Variants in PIK3CA observed in about 807,000 individuals in gnomAD.
PIK3CA encodes phosphatidylinositol-4,5-bisphosphate 3-kinase catalytic subunit alpha.
Under a neutral mutation model 138.2 loss-of-function variants are expected in PIK3CA, and 27 were observed. The observed-to-expected ratio is 0.20, with a 90% CI of 0.14 to 0.27. PIK3CA has a LOEUF of 0.27. Among genes scored for constraint, PIK3CA ranks in the 10% least tolerant of loss-of-function variants. PIK3CA has a pLI of 1.00. For missense variants in PIK3CA, 544 were observed against 1,277.4 expected (o/e 0.43, Z 8.75); for synonymous variants, 358 against 413.2 (o/e 0.87, Z 1.62).
chr3:179,192,062 A>G (rs764602351), intron 1 of PIK3CA, among the ~76,000 whole-genome samples: 3 of 152,254 alleles, frequency 2.0e-5, no homozygotes, highest in Non-Finnish European at 1.5e-5. Flanking sequence ...CTGTATTTAT[A>G]GAGACTGGTA....
chr3:179,230,981 C>G lies in PIK3CA; in HGVS notation c.2936+605C>G, dbSNP rs1054096387. 6.6e-6 allele frequency among the ~76,000 whole-genome samples: 1 copy of G among 152,012 alleles called. No homozygotes were observed. Among genetic ancestry groups the G allele is most frequent in the Admixed American group, 6.6e-5 (1 of 15,256 alleles). On this transcript the variant is annotated intron_variant, in intron 20 of 20. Coordinates refer to ENST00000263967, the MANE Select transcript of PIK3CA (RefSeq NM_006218.4). This position sits in a 1 kb window ranked among gnomAD's most constrained non-coding sequence, Gnocchi z 5.4. ...TTTTATCCCTCACTGTTCTTCCCAC[C>G]GTCTCCCATCTGAGTCTCTGTAGTC...
At chr3:179,189,977 A>G (rs941480509) in intron 1 of PIK3CA, among the ~76,000 whole-genome samples, 12 of 152,176 alleles carry the variant, frequency 7.9e-5, no homozygotes, top group Non-Finnish European at 1.5e-4. Context: ...CACTCCAGAA[A>G]CAGCTCAGTG....
intron 1 of PIK3CA, among the ~76,000 whole-genome samples, chr3:179,154,517 T>C (rs1723086033): frequency 6.6e-6 from 1 of 152,202 alleles, no homozygotes; most frequent in Non-Finnish European, 1.5e-5. Flanking sequence ...AACTGCTCCC[T>C]GGTGCCAAAA....
intron 8 of PIK3CA, 22 bp downstream of exon 8, chr3:179,210,360 A>G: frequency 1.3e-6 from 2 of 1,584,616 alleles, no homozygotes; most frequent in South Asian, 1.2e-5. Flanking sequence ...ATTGTCATAA[A>G]TTAGATATTT....
intron 6 of PIK3CA, among the ~76,000 whole-genome samples, chr3:179,206,664 C>T (rs1724569328): frequency 6.6e-6 from 1 of 152,038 alleles, no homozygotes; most frequent in African/African-American, 2.4e-5. Flanking sequence ...CCTATAATCC[C>T]AACACTTTGG....
rs371532567 is a variant in PIK3CA at position 179,187,801 on chromosome 3, C to A, written c.-76-10949C>A. Among the ~76,000 whole-genome samples the A allele has an allele frequency of 2.7e-4, 41 of 151,522 alleles. 1 individual carries two copies. In the South Asian group the frequency reaches 8.6e-3, roughly 32 times the overall value. On this transcript the variant is annotated intron_variant, in intron 1 of 20. Coordinates refer to ENST00000263967, the MANE Select transcript of PIK3CA (RefSeq NM_006218.4). Reference sequence around the variant, plus strand: ...TACAGGCGCCCGCCACCATGCCTGGCTAATTTTTTGTATTTTTAGTAGAGA... The same window carrying A: ...TACAGGCGCCCGCCACCATGCCTGGATAATTTTTTGTATTTTTAGTAGAGA...
chr3:179,229,198 T>C (rs1419640779), intron 17 of PIK3CA, 74 bp from the exon 18 acceptor site: 1 of 1,157,942 alleles, frequency 8.6e-7, no homozygotes, highest in Non-Finnish European at 1.2e-6. Flanking sequence ...AAAATACTCA[T>C]GTTTTAGCCT....
chr3:179,204,152 T>C (rs973783065), intron 5 of PIK3CA, among the ~76,000 whole-genome samples: 3 of 152,212 alleles, frequency 2.0e-5, no homozygotes, highest in African/African-American at 7.2e-5. Flanking sequence ...TATTAATGTC[T>C]TTATGAGGTA....
rs1724907656 is a variant in PIK3CA at position 179,219,135 on chromosome 3, C to T, written c.1665-61C>T. ...AGAAGATTCATATGGAGAAGTTAGACATGTCAACCTTTTGAACAGCATGCA... is the reference window on the plus strand; with the variant it reads ...AGAAGATTCATATGGAGAAGTTAGATATGTCAACCTTTTGAACAGCATGCA... On this transcript the variant is annotated intron_variant, in intron 10 of 20. Coordinates refer to ENST00000263967, the MANE Select transcript of PIK3CA (RefSeq NM_006218.4). This position sits in a 1 kb window ranked among gnomAD's most constrained non-coding sequence, Gnocchi z 4.2. 1.0e-6 allele frequency: 1 copy of T among 963,922 alleles called. No homozygotes were observed. Among genetic ancestry groups the T allele is most frequent in the African/African-American group, 1.6e-5 (1 of 61,908 alleles). The allele number at this position is 963,922 out of a possible 1,614,324, so 59.7% of individuals were successfully genotyped here.
chr3:179,190,706 T>C (rs193288445), intron 1 of PIK3CA, among the ~76,000 whole-genome samples: 3 of 152,194 alleles, frequency 2.0e-5, no homozygotes, highest in Non-Finnish European at 1.5e-5. Context: ...CTCTGGAGGC[T>C]CAGTATTTGA....
chr3:179,224,404 C>T (rs1198618739), intron 15 of PIK3CA, among the ~76,000 whole-genome samples: 1 of 151,958 alleles, frequency 6.6e-6, no homozygotes, highest in African/African-American at 2.4e-5. Context: ...AGTTTAAAAC[C>T]TTCTATGGCC....
chr3:179,189,892 G>A (rs776705575), intron 1 of PIK3CA, among the ~76,000 whole-genome samples: 4 of 152,166 alleles, frequency 2.6e-5, no homozygotes, highest in Non-Finnish European at 5.9e-5. Context: ...GGTCAGTGAA[G>A]GACGGCACTT....
intron 1 of PIK3CA, among the ~76,000 whole-genome samples, chr3:179,160,307 A>G (rs1377732245): frequency 6.7e-6 from 1 of 149,936 alleles, no homozygotes; most frequent in Admixed American, 6.6e-5. Context: ...ACATCTGACT[A>G]CTGAGCTTTT....
At chr3:179,161,399 CAT>C (rs927461352) in intron 1 of PIK3CA, among the ~76,000 whole-genome samples, 23 of 152,246 alleles carry the variant, frequency 1.5e-4, no homozygotes, top group African/African-American at 5.5e-4. Context: ...GAGAAAGAAA[CAT>C]AAATAACAGG....
intron 1 of PIK3CA, among the ~76,000 whole-genome samples, chr3:179,177,862 G>A (rs950039669): frequency 1.3e-4 from 20 of 151,748 alleles, no homozygotes; most frequent in African/African-American, 4.8e-4. Context: ...TTAAGAAAAT[G>A]AATAGACAAG....
intron 1 of PIK3CA, among the ~76,000 whole-genome samples, chr3:179,194,545 A>G (rs1166929463): frequency 6.6e-6 from 1 of 152,160 alleles, no homozygotes; most frequent in Admixed American, 6.5e-5. Flanking sequence ...CTAACGGTGT[A>G]CAACATAAAA....
intron 1 of PIK3CA, among the ~76,000 whole-genome samples, chr3:179,175,863 A>G (rs1723684863): frequency 6.6e-6 from 1 of 152,080 alleles, no homozygotes; most frequent in Non-Finnish European, 1.5e-5. Context: ...TCAATCTTTA[A>G]TATTGGAGAC....
chr3:179,180,287 C>G (rs1723808934), intron 1 of PIK3CA, among the ~76,000 whole-genome samples: 1 of 152,108 alleles, frequency 6.6e-6, no homozygotes, highest in Admixed American at 6.5e-5. Flanking sequence ...CTGTACCTGT[C>G]AGAAATCAGG....
At chr3:179,225,117 T>C (rs1364757566) in intron 16 of PIK3CA, among the ~76,000 whole-genome samples, 1 of 151,846 alleles carries the variant, frequency 6.6e-6, no homozygotes, top group Non-Finnish European at 1.5e-5. Context: ...TATTTTTTGT[T>C]GTTGTTTTGG....
Sources: allele counts gnomAD v4.1 joint callset (sites outside exome capture counted in the v4.1 genomes callset), GRCh38; gene constraint gnomAD v4.1.1; non-coding constraint Gnocchi (gnomAD v3.1); transcripts MANE v1.5; gene names NCBI Gene and HGNC (gene_info 2026-07-23, HGNC 2026-07-21).